Variants in TRIM13 observed in about 807,000 individuals in gnomAD.
The protein encoded by TRIM13 is tripartite motif containing 13.
In TRIM13, 15 loss-of-function variants were observed where a neutral mutation model predicts 27.1. The observed-to-expected ratio is 0.55, with a 90% CI of 0.37 to 0.85. TRIM13 has a LOEUF of 0.85. Among genes scored for constraint, TRIM13 ranks in the 40% least tolerant of loss-of-function variants. The pLI, the probability that TRIM13 is intolerant of heterozygous loss-of-function variation, is 0.00. For synonymous variants in TRIM13, 193 were observed against 171.5 expected, an observed-to-expected ratio of 1.13 and a Z score of -0.98; for missense variants, 402 against 472.2, an observed-to-expected ratio of 0.85 and a Z score of 1.38.
At chr13:50,002,986 T>A (rs1874235286) in intron 1 of TRIM13, among the ~76,000 whole-genome samples, 1 of 152,106 alleles carries the variant, frequency 6.6e-6, no homozygotes, top group Non-Finnish European at 1.5e-5. Context: ...TACAGTATAG[T>A]AAGGTGCAGT....
At chr13:50,004,638 C>T (rs1402520606) in intron 1 of TRIM13, among the ~76,000 whole-genome samples, 2 of 151,978 alleles carry the variant, frequency 1.3e-5, no homozygotes, top group Admixed American at 1.3e-4. Flanking sequence ...GTGGTGCATG[C>T]CTGTAATCCG....
rs1409404953 is a variant in TRIM13 at position 50,016,072 on chromosome 13, G to C, written c.*2908G>C. 1 of 1,610,458 alleles carries C rather than the reference G, an allele frequency of 6.2e-7. No homozygotes were observed. The highest frequency in any genetic ancestry group is 1.3e-5 in the African/African-American group (1 of 74,842). Reference sequence around the variant, plus strand: ...CTACTGATAACCAAACTGGAGTCAGGTATTTTGTACTTTGCAGTATTTCTC... The same window carrying C: ...CTACTGATAACCAAACTGGAGTCAGCTATTTTGTACTTTGCAGTATTTCTC... On this transcript the variant is annotated 3_prime_UTR_variant, in exon 2 of 2. Coordinates refer to ENST00000378182, the MANE Select transcript of TRIM13 (RefSeq NM_213590.3).
chr13:50,005,490 A>C (rs982439499), intron 1 of TRIM13, among the ~76,000 whole-genome samples: 1 of 151,894 alleles, frequency 6.6e-6, no homozygotes, highest in Non-Finnish European at 1.5e-5. Context: ...CCTGGCCAAC[A>C]TGGCGAAACC....
Position 50,013,218 on chromosome 13 carries a change from A to G in TRIM13, c.*54A>G. On this transcript the variant is annotated 3_prime_UTR_variant, in exon 2 of 2. Coordinates refer to ENST00000378182, the MANE Select transcript of TRIM13 (RefSeq NM_213590.3). The stretch of plus-strand genomic sequence containing the variant: ...TGTTAGAAATTGTTAGAGAATAGAG[A>G]GTGGTAATTCAGATTTGGTCAACGA... The G allele has an allele frequency of 6.7e-7, 1 of 1,483,832 alleles. No individual in the cohort carries two copies. The highest frequency in any genetic ancestry group is 9.0e-7 in the Non-Finnish European group (1 of 1,112,252). 91.9% of individuals were successfully genotyped at this position (1,483,832 alleles called of 1,614,324 possible).
rs758499261 is a variant in TRIM13 at position 50,015,832 on chromosome 13, T to C, written c.*2668T>C. The C allele has an allele frequency of 1.2e-6, 2 of 1,614,164 alleles. No individual in the cohort carries two copies. Among genetic ancestry groups the C allele is most frequent in the Admixed American group, 1.7e-5 (1 of 60,018 alleles). ...CAAGACCTGCTCTTGTGGAGGTACATTTCCTAAGCCGGAACACTCAAGCTT... is the reference window on the plus strand; with the variant it reads ...CAAGACCTGCTCTTGTGGAGGTACACTTCCTAAGCCGGAACACTCAAGCTT... On this transcript the variant is annotated 3_prime_UTR_variant, in exon 2 of 2. Transcript: ENST00000378182.
chr13:50,002,277 T>TGA (rs1157802832), intron 1 of TRIM13, among the ~76,000 whole-genome samples: 1 of 152,156 alleles, frequency 6.6e-6, no homozygotes, highest in African/African-American at 2.4e-5. Flanking sequence ...TAATCTCAGC[T>TGA]ACTTGGGAGG....
At chr13:50,001,012 G>C (rs1459267800) in intron 1 of TRIM13, 1 of 152,196 alleles carries the variant, frequency 6.6e-6, no homozygotes, top group Non-Finnish European at 1.5e-5. Flanking sequence ...GCACCTGGCC[G>C]GGTGCAGTGG....
rs1278728613 is a variant in TRIM13, at chr13:50,015,787, A to T, written c.*2623A>T. On this transcript the variant is annotated 3_prime_UTR_variant, in exon 2 of 2. Coordinates refer to ENST00000378182, the MANE Select transcript of TRIM13 (RefSeq NM_213590.3). ...AACTTCGTTCTCTAGTTGATCTCTT[A>T]AACCCATACCTGCTACAGCCAAGAC... 1.2e-6 allele frequency: 2 copies of T among 1,614,108 alleles called. No homozygotes were observed. The highest frequency in any genetic ancestry group is 1.7e-6 in the Non-Finnish European group (2 of 1,179,980).
At position 50,018,390 on chromosome 13, in the gene TRIM13, C is replaced by T. The variant is rs574555715; in HGVS notation, c.*5226C>T. 8 of 166,490 alleles carry T rather than the reference C, an allele frequency of 4.8e-5. No homozygotes were observed. Among genetic ancestry groups the T allele is most frequent in the East Asian group, 1.9e-4 (1 of 5,194 alleles). 10.3% of individuals were successfully genotyped at this position (166,490 alleles called of 1,614,324 possible). A position where few individuals can be genotyped will look rare whatever the true frequency, so the allele number is the denominator to read the frequency against. Reference sequence around the variant, plus strand: ...TTTAGACTGTACAGTCAAGATCTGGCGCTTGGGGGTAAGTGGAATGATTTG... The same window carrying T: ...TTTAGACTGTACAGTCAAGATCTGGTGCTTGGGGGTAAGTGGAATGATTTG... On this transcript the variant is annotated 3_prime_UTR_variant, in exon 2 of 2. Coordinates refer to ENST00000378182, the MANE Select transcript of TRIM13 (RefSeq NM_213590.3).
Position 50,018,439 on chromosome 13 carries a change from C to G in TRIM13, c.*5275C>G, listed in dbSNP as rs1876902233. ...TGCTAATATTGAGAATCTGTTGTATCAAACATAATAAACTTTTTTTGAGAT... is the reference window on the plus strand; with the variant it reads ...TGCTAATATTGAGAATCTGTTGTATGAAACATAATAAACTTTTTTTGAGAT... On this transcript the variant is annotated 3_prime_UTR_variant, in exon 2 of 2. Transcript: ENST00000378182. 1 of 166,104 alleles carries G rather than the reference C, an allele frequency of 6.0e-6. No individual in the cohort carries two copies. Among genetic ancestry groups the G allele is most frequent in the Non-Finnish European group, 1.5e-5 (1 of 68,100 alleles). The allele number at this position is 166,104 out of a possible 1,614,324, so 10.3% of individuals were successfully genotyped here.
intron 1 of TRIM13, 93 bp from the exon 2 acceptor site, chr13:50,011,842 T>C: frequency 7.1e-7 from 1 of 1,416,556 alleles, no homozygotes; most frequent in Non-Finnish European, 9.5e-7. Flanking sequence ...CAGTGAAAAA[T>C]CATTTTAACG....
chr13:49,997,791 TC>T (rs1377816527), intron 1 of TRIM13, 28 bp downstream of exon 1: 1 of 7,080 alleles, frequency 1.4e-4, no homozygotes, highest in Admixed American at 2.5e-3. Context: ...TCCTGTGTTA[TC>T]TTTTTTTTTT....
intron 1 of TRIM13, among the ~76,000 whole-genome samples, chr13:50,002,041 A>G (rs1179958239): frequency 6.6e-6 from 1 of 152,162 alleles, no homozygotes; most frequent in African/African-American, 2.4e-5. Flanking sequence ...CAGTCTCCTC[A>G]CAGGTCTGGA....
Position 50,012,486 on chromosome 13 carries a change from G to A in TRIM13, c.546G>A (p.Val182=), listed in dbSNP as rs761385767. Residue 182 remains valine (V), a synonymous_variant, in exon 2 of 2, where the codon GTG becomes GTA. Transcript: ENST00000378182. ...TACTGACTAAAGATTCAGATAAAGT[G>A]AAGGAATTTTTTGAGAAGTTACAAC... is the stretch of plus-strand genomic sequence containing the variant. ...LQLLTKDSDK[V]KEFFEKLQHT... The A allele has an allele frequency of 2.5e-6, 4 of 1,613,968 alleles. No individual in the cohort carries two copies.
chr13:50,015,084 AAAAAAAAAAAATATATATAT>A lies in TRIM13; in HGVS notation c.*1922_*1941del, dbSNP rs1876228714. 1.8e-5 allele frequency: 1 copy of A among 54,736 alleles called. No homozygotes were observed. Among genetic ancestry groups the A allele is most frequent in the African/African-American group, 9.4e-5 (1 of 10,662 alleles). The allele number at this position is 54,736 out of a possible 1,614,324, so 3.4% of individuals were successfully genotyped here. A position where few individuals can be genotyped will look rare whatever the true frequency, so the allele number is the denominator to read the frequency against. ...TTTCCCCTCCCAGTAATAAAAAAAA[AAAAAAAAAAAATATATATAT>A]ATATATATATATATATATATATATA... On this transcript the variant is annotated 3_prime_UTR_variant, in exon 2 of 2. Coordinates refer to ENST00000378182, the MANE Select transcript of TRIM13 (RefSeq NM_213590.3).
Position 50,015,794 on chromosome 13 carries a change from T to C in TRIM13, c.*2630T>C. Reference sequence around the variant, plus strand: ...TTCTCTAGTTGATCTCTTAAACCCATACCTGCTACAGCCAAGACCTGCTCT... The same window carrying C: ...TTCTCTAGTTGATCTCTTAAACCCACACCTGCTACAGCCAAGACCTGCTCT... On this transcript the variant is annotated 3_prime_UTR_variant, in exon 2 of 2. Transcript: ENST00000378182. The C allele has an allele frequency of 6.2e-7, 1 of 1,613,622 alleles. No individual in the cohort carries two copies. Among genetic ancestry groups the C allele is most frequent in the Non-Finnish European group, 8.5e-7 (1 of 1,179,698 alleles).
At chr13:50,006,291 C>T (rs564768734) in intron 1 of TRIM13, among the ~76,000 whole-genome samples, 2 of 151,972 alleles carry the variant, frequency 1.3e-5, no homozygotes, top group African/African-American at 4.8e-5. Context: ...CCTGAAAATT[C>T]TTCTTGGCCC....
At chr13:50,002,075 TAAAA>T (rs1009035945) in intron 1 of TRIM13, among the ~76,000 whole-genome samples, 1 of 148,700 alleles carries the variant, frequency 6.7e-6, no homozygotes, top group Admixed American at 6.7e-5. Flanking sequence ...AGTAATACAT[TAAAA>T]AAAAAAATTT....
chr13:50,007,835 C>T (rs1053235656), intron 1 of TRIM13, among the ~76,000 whole-genome samples: 3 of 149,738 alleles, frequency 2.0e-5, no homozygotes, highest in African/African-American at 4.9e-5. Context: ...TCAGCTTGTC[C>T]TTTAAATACT....
Sources: gnomAD v4.1 joint callset for allele counts (sites outside exome capture counted in the v4.1 genomes callset) on GRCh38, gnomAD v4.1.1 for gene constraint, MANE v1.5 for transcripts, NCBI Gene and HGNC (gene_info 2026-07-23, HGNC 2026-07-21) for gene names.